Variants in CYFIP2 observed in about 807,000 individuals in gnomAD.
CYFIP2 encodes the protein cytoplasmic FMR1-interacting protein 2.
Under a neutral mutation model 158.7 loss-of-function variants are expected in CYFIP2, and 29 were observed. The ratio of observed to expected loss-of-function variants is 0.18; its 90% CI spans 0.14 to 0.25. The LOEUF (loss-of-function observed/expected upper bound fraction) is 0.25, where lower values mean the gene tolerates loss of function less well. Ranked by LOEUF, CYFIP2 falls within the 10% of genes least tolerant of loss-of-function variation. The pLI is 1.00. For missense variants in CYFIP2, 852 were observed against 1,639.5 expected (o/e 0.52, Z 8.29); for synonymous variants, 585 against 617.6 (o/e 0.95, Z 0.78).
rs117113424 is a variant in CYFIP2 at position 157,381,731 on chromosome 5, T to G, written c.3040-859T>G. ...GCCTTTCAGAGTCCTGGATTGGCAGTGTTCCATCCATGCCCGGGGTAGAAG... is the reference window on the plus strand; with the variant it reads ...GCCTTTCAGAGTCCTGGATTGGCAGGGTTCCATCCATGCCCGGGGTAGAAG... On this transcript the variant is annotated intron_variant, in intron 26 of 30. Transcript: ENST00000620254. 7.6e-4 allele frequency among the ~76,000 whole-genome samples: 115 copies of G among 152,300 alleles called. No homozygotes were observed. In the East Asian group the frequency reaches 0.021, roughly 28 times the overall value.
intron 1 of CYFIP2, among the ~76,000 whole-genome samples, chr5:157,274,129 T>TAAAA (rs58939164): frequency 8.1e-6 from 1 of 123,216 alleles, no homozygotes; most frequent in African/African-American, 3.1e-5. Context: ...AAACTCTGTG[T>TAAAA]AAAAAAAAAA....
Position 157,324,606 on chromosome 5 carries a change from G to A in CYFIP2, c.1825+532G>A, listed in dbSNP as rs1461616356. Among the ~76,000 whole-genome samples, 3 of 152,238 alleles carry A rather than the reference G, an allele frequency of 2.0e-5. No homozygotes were observed. The East Asian group carries it at 5.8e-4, about 29-fold the overall frequency. On this transcript the variant is annotated intron_variant, in intron 16 of 30. Transcript: ENST00000620254. The stretch of plus-strand genomic sequence containing the variant: ...ACAAACAGTACAAACTTCTCCATTA[G>A]AGAGTAGCCCGGGAAGGGCCTTCAA...
intron 28 of CYFIP2, among the ~76,000 whole-genome samples, chr5:157,387,073 GAAAT>G (rs1766773244): frequency 1.3e-5 from 2 of 151,824 alleles, no homozygotes; most frequent in South Asian, 4.1e-4. Flanking sequence ...AATATTGAAA[GAAAT>G]AAGTTGAAGT....
In CYFIP2 at chr5:157,293,256, A is replaced by G. The variant is rs541059811; in HGVS notation, c.208-1527A>G. Among the ~76,000 whole-genome samples the G allele has an allele frequency of 4.8e-4, 73 of 152,216 alleles. No homozygotes were observed. In the Middle Eastern group the frequency reaches 0.01, roughly 21 times the overall value. Reference sequence around the variant, plus strand: ...TTTTTAGTAGAGACGGGGTTTTGCCATTTTGGCCAGGCTCATCTTGAACTC... The same window carrying G: ...TTTTTAGTAGAGACGGGGTTTTGCCGTTTTGGCCAGGCTCATCTTGAACTC... On this transcript the variant is annotated intron_variant, in intron 3 of 30. Transcript: ENST00000620254.
chr5:157,333,471 T>C lies in CYFIP2; in HGVS notation c.2385+25T>C, dbSNP rs756838389. Reference sequence around the variant, plus strand: ...GGTAAGAGTCTGGGAGCGTGTGGGATTTCTGCTCTGTGATTTCTCAGACTA... The same window carrying C: ...GGTAAGAGTCTGGGAGCGTGTGGGACTTCTGCTCTGTGATTTCTCAGACTA... On this transcript the variant is annotated intron_variant, in intron 21 of 30. Transcript: ENST00000620254. 23 of 1,613,792 alleles carry C rather than the reference T, an allele frequency of 1.4e-5. No homozygotes were observed. The South Asian group carries it at 1.9e-4, about 13-fold the overall frequency.
At chr5:157,312,869 T>A (rs1281724624) in intron 11 of CYFIP2, among the ~76,000 whole-genome samples, 2 of 152,162 alleles carry the variant, frequency 1.3e-5, no homozygotes, top group African/African-American at 4.8e-5. Context: ...CTTTTAAAAA[T>A]TTTTTTTAAT....
At chr5:157,283,975 G>A (rs974596273) in intron 1 of CYFIP2, among the ~76,000 whole-genome samples, 1 of 152,176 alleles carries the variant, frequency 6.6e-6, no homozygotes, top group Non-Finnish European at 1.5e-5. Context: ...AGGTGGTTAG[G>A]AAGGGATTCT....
At chr5:157,364,016 T>G (rs1016593514) in intron 26 of CYFIP2, 17 of 152,270 alleles carry the variant, frequency 1.1e-4, no homozygotes, top group African/African-American at 4.1e-4. Flanking sequence ...GCGCTTCCTC[T>G]ATAAGGAGTA....
rs569148834 is a variant in CYFIP2 at position 157,282,831 on chromosome 5, T to C, written c.-23-2508T>C. On this transcript the variant is annotated intron_variant, in intron 1 of 30. Transcript: ENST00000620254. ...GAAATGGTGTATCTCCTTGTAAGTT[T>C]CATCTGGATTTTCCTTATTGAAAAT... Among the ~76,000 whole-genome samples, 17 of 152,356 alleles carry C rather than the reference T, an allele frequency of 1.1e-4. No homozygotes were observed. In the South Asian group the frequency reaches 3.5e-3, roughly 32 times the overall value.
chr5:157,276,127 A>G (rs1756524000), intron 1 of CYFIP2, among the ~76,000 whole-genome samples: 1 of 152,126 alleles, frequency 6.6e-6, no homozygotes, highest in Non-Finnish European at 1.5e-5. Flanking sequence ...TCTAATCTAG[A>G]TGTCTTTTAT....
chr5:157,388,817 G>T (rs1317344257), intron 28 of CYFIP2, among the ~76,000 whole-genome samples: 1 of 152,068 alleles, frequency 6.6e-6, no homozygotes, highest in African/African-American at 2.4e-5. Flanking sequence ...CTTAGAACAG[G>T]GCCTGCTTTA....
At chr5:157,320,610 T>C (rs1326093627) in intron 14 of CYFIP2, 45 bp from the exon 15 acceptor site, 2 of 1,612,202 alleles carry the variant, frequency 1.2e-6, no homozygotes, top group East Asian at 2.2e-5. Flanking sequence ...AGTGACGTTT[T>C]CCCATGGTGA....
At chr5:157,372,370 C>T (rs1392640568) in intron 26 of CYFIP2, among the ~76,000 whole-genome samples, 1 of 152,110 alleles carries the variant, frequency 6.6e-6, no homozygotes, top group East Asian at 1.9e-4. Flanking sequence ...GCAAATATGA[C>T]AAAATGTTCA....
chr5:157,332,476 TAAG>T (rs1256351800), intron 20 of CYFIP2, among the ~76,000 whole-genome samples: 1 of 152,202 alleles, frequency 6.6e-6, no homozygotes, highest in Non-Finnish European at 1.5e-5. Flanking sequence ...CTATATCTCC[TAAG>T]AACAAGGACG....
intron 3 of CYFIP2, among the ~76,000 whole-genome samples, chr5:157,289,455 C>T (rs899230839): frequency 2.0e-5 from 3 of 152,242 alleles, no homozygotes; most frequent in Non-Finnish European, 2.9e-5. Context: ...TGTATTTCCT[C>T]CCCGTTCCGG....
chr5:157,374,662 C>T (rs1276654382), intron 26 of CYFIP2, among the ~76,000 whole-genome samples: 1 of 152,190 alleles, frequency 6.6e-6, no homozygotes, highest in Non-Finnish European at 1.5e-5. Context: ...GTCAGATGCA[C>T]AGTCCTGTAC....
At chr5:157,320,175 G>A (rs1760475195) in intron 14 of CYFIP2, among the ~76,000 whole-genome samples, 1 of 152,178 alleles carries the variant, frequency 6.6e-6, no homozygotes, top group East Asian at 1.9e-4. Context: ...TTCCTCATTT[G>A]TAAAATGGGG....
At chr5:157,383,077 G>A (rs951289010) in intron 27 of CYFIP2, among the ~76,000 whole-genome samples, 188 bp from the exon 28 acceptor site, 1 of 152,044 alleles carries the variant, frequency 6.6e-6, no homozygotes, top group Non-Finnish European at 1.5e-5. Flanking sequence ...TTCCATTCTT[G>A]GACAAATCAT....
At chr5:157,309,117 T>G (rs183404549) in intron 9 of CYFIP2, among the ~76,000 whole-genome samples, 76 of 152,296 alleles carry the variant, frequency 5.0e-4, no homozygotes, top group Admixed American at 2.5e-3. Flanking sequence ...TCAGTTCTTC[T>G]TCTCTGAAAT....
Sources: allele counts gnomAD v4.1 joint callset (sites outside exome capture counted in the v4.1 genomes callset), GRCh38; gene constraint gnomAD v4.1.1; transcripts MANE v1.5; gene names NCBI Gene and HGNC (gene_info 2026-07-23, HGNC 2026-07-21).